ASTL: variants seen among roughly 807,000 people sequenced by gnomAD.
ASTL encodes the protein astacin-like metalloendopeptidase.
Under a neutral mutation model 36.7 loss-of-function variants are expected in ASTL, and 27 were observed. That is an observed-to-expected ratio of 0.73 (90% CI 0.54 to 1.01). The LOEUF (loss-of-function observed/expected upper bound fraction) is 1.01. Among genes scored for constraint, ASTL ranks in the 50% least tolerant of loss-of-function variants. The probability of loss-of-function intolerance (pLI) is 0.00; values close to 1 mark genes in which losing one functional copy is unlikely to be tolerated. For synonymous variants in ASTL, 222 were observed against 228.1 expected (o/e 0.97, Z 0.24); for missense variants, 524 against 572.8 (o/e 0.91, Z 0.87).
chr2:96,136,806 C>T (rs1682310153), intron 2 of ASTL, among the ~76,000 whole-genome samples: 1 of 152,212 alleles, frequency 6.6e-6, no homozygotes, highest in South Asian at 2.1e-4. Flanking sequence ...TATACACCCT[C>T]ATTCCTCAGC....
chr2:96,137,916 G>C, intron 1 of ASTL: 1 of 547,306 alleles, frequency 1.8e-6, no homozygotes, highest in Non-Finnish European at 3.3e-6. Flanking sequence ...GCTCCCTTAG[G>C]GGGACCAAAA....
At position 96,124,390 on chromosome 2, in the gene ASTL, G is replaced by C. The variant is rs1682024211; in HGVS notation, c.875-119C>G. 1.2e-6 allele frequency: 1 copy of C among 858,534 alleles called. No homozygotes were observed. The highest frequency in any genetic ancestry group is 1.7e-6 in the Non-Finnish European group (1 of 602,604). The allele number at this position is 858,534 out of a possible 1,614,324, so 53.2% of individuals were successfully genotyped here. A position where few individuals can be genotyped will look rare whatever the true frequency, so the allele number is the denominator to read the frequency against. On this transcript the variant is annotated intron_variant, in intron 8 of 8. Transcript: ENST00000342380. This position sits in a 1 kb window ranked among gnomAD's most constrained non-coding sequence, Gnocchi z 4.1. ...TGGTGCCCACCCATGCCACGGCCTA[G>C]TGCATCCAAGACCCAGATTCCCACC...
intron 2 of ASTL, among the ~76,000 whole-genome samples, chr2:96,136,059 C>T (rs1380964991): frequency 6.6e-6 from 1 of 152,226 alleles, no homozygotes; most frequent in Non-Finnish European, 1.5e-5. Flanking sequence ...CTCTCGCAAG[C>T]CCCTCTCCCC....
At chr2:96,137,821 G>T in intron 1 of ASTL, 121 bp from the exon 2 acceptor site, 1 of 1,043,746 alleles carries the variant, frequency 9.6e-7, no homozygotes, top group Non-Finnish European at 1.4e-6. Context: ...AGGAAGAGTA[G>T]GCTCCAGCAC....
At chr2:96,134,121 G>T (rs766963684) in intron 3 of ASTL, 63 bp from the exon 4 acceptor site, 20 of 1,124,328 alleles carry the variant, frequency 1.8e-5, no homozygotes, top group Non-Finnish European at 2.6e-5. Context: ...GTGCCCCAAG[G>T]GTACCACACC....
At chr2:96,128,399 C>G (rs1336017796) in intron 8 of ASTL, among the ~76,000 whole-genome samples, 1 of 152,140 alleles carries the variant, frequency 6.6e-6, no homozygotes, top group African/African-American at 2.4e-5. Context: ...ATGAAGAGAT[C>G]TTACTATATA....
rs1682209465 is a variant in ASTL, at chr2:96,132,731, G to T, written c.456-10C>A. On this transcript the variant is annotated splice_polypyrimidine_tract_variant and intron_variant, in intron 5 of 8. Transcript: ENST00000342380. This position sits in a 1 kb window ranked among gnomAD's most constrained non-coding sequence, Gnocchi z 5.4. ...CACACTCGAGAAGCACCTGCAGGGTGATGAGAGCAAGTGGGGTAAGTGCCA... is the reference window on the plus strand; with the variant it reads ...CACACTCGAGAAGCACCTGCAGGGTTATGAGAGCAAGTGGGGTAAGTGCCA... 1 of 1,601,990 alleles carries T rather than the reference G, an allele frequency of 6.2e-7. No individual in the cohort carries two copies. The highest frequency in any genetic ancestry group is 1.3e-5 in the African/African-American group (1 of 74,730).
Position 96,138,405 on chromosome 2 carries a change from A to G in ASTL, c.32T>C (p.Val11Ala). The G allele has an allele frequency of 1.9e-6, 3 of 1,610,700 alleles. No homozygotes were observed. Among genetic ancestry groups the G allele is most frequent in the East Asian group, 2.2e-5 (1 of 44,814 alleles). ...ACCTGGCAAGGAGAGCAGACCCAGC[A>G]CCCAAGGCCAGAGACCCCCTACACC... is the stretch of plus-strand genomic sequence containing the variant. MEGVGGLWPW[V>A]LGLLSLPGVI... is the part of the protein sequence containing the mutation. The change falls in exon 1 of 9, where the codon GTG becomes GCG. Residue 11 changes from valine (V) to alanine (A), a missense_variant. Val to Ala is a moderately conservative substitution (Grantham distance 64, BLOSUM62 0). Transcript: ENST00000342380.
chr2:96,130,206 G>A, intron 6 of ASTL, 61 bp from the exon 7 acceptor site: 2 of 1,304,722 alleles, frequency 1.5e-6, no homozygotes, highest in Non-Finnish European at 2.2e-6. Context: ...AGAAAGGGCA[G>A]GCAATGGCTG....
Position 96,124,205 on chromosome 2 carries a change from T to A in ASTL, c.941A>T (p.Glu314Val). ...PASLSLQRLL[E>V]ALSAESRSPD... ...GCTCCTGGATTCCGCCGACAGTGCCTCCAAAAGCCGCTGCAGAGATAGGGA... is the reference window on the plus strand; with the variant it reads ...GCTCCTGGATTCCGCCGACAGTGCCACCAAAAGCCGCTGCAGAGATAGGGA... The change falls in exon 9 of 9, where the codon GAG becomes GTG. Residue 314 changes from glutamate to valine, a missense_variant. Glu to Val is a moderately radical substitution (Grantham distance 121). Transcript: ENST00000342380. This position sits in a 1 kb window ranked among gnomAD's most constrained non-coding sequence, Gnocchi z 4.1. 6.6e-7 allele frequency: 1 copy of A among 1,523,738 alleles called. No homozygotes were observed. The highest frequency in any genetic ancestry group is 8.8e-7 in the Non-Finnish European group (1 of 1,137,884). The allele number at this position is 1,523,738 out of a possible 1,614,324, so 94.4% of individuals were successfully genotyped here.
chr2:96,125,819 C>A (rs1181665172), intron 8 of ASTL, among the ~76,000 whole-genome samples: 1 of 152,148 alleles, frequency 6.6e-6, no homozygotes. Flanking sequence ...GTGCTCACCT[C>A]TAATCCTAGC....
rs1224753387 is a variant in ASTL at position 96,135,365 on chromosome 2, C to T, written c.229G>A (p.Asp77Asn). 5 of 1,613,982 alleles carry T rather than the reference C, an allele frequency of 3.1e-6. No individual in the cohort carries two copies. Among genetic ancestry groups the T allele is most frequent in the Non-Finnish European group, 4.2e-6 (5 of 1,179,980 alleles). Residue 77 changes from aspartate (D) to asparagine (N), a missense_variant, in exon 3 of 9, where the codon GAC becomes AAC. By Grantham distance (23) the Asp-to-Asn change is conservative. Coordinates refer to ENST00000342380, the MANE Select transcript of ASTL (RefSeq NM_001002036.4). ...TPESSFLIEG[D>N]IIRPSPFRLL... ...TGTGCACTCACCGGCCGGATGATGTCCCCCTCGATGAGGAAGCTGCTCTCT... is the reference window on the plus strand; with the variant it reads ...TGTGCACTCACCGGCCGGATGATGTTCCCCTCGATGAGGAAGCTGCTCTCT...
intron 8 of ASTL, among the ~76,000 whole-genome samples, chr2:96,127,050 T>G (rs997874624): frequency 6.6e-6 from 1 of 152,186 alleles, no homozygotes; most frequent in Non-Finnish European, 1.5e-5. Flanking sequence ...GTATGGCATA[T>G]CTATCCAACG....
Position 96,130,091 on chromosome 2 carries a change from T to C in ASTL, c.692A>G (p.Asp231Gly). 6.2e-7 allele frequency: 1 copy of C among 1,614,084 alleles called. No individual in the cohort carries two copies. Among genetic ancestry groups the C allele is most frequent in the Non-Finnish European group, 8.5e-7 (1 of 1,179,934 alleles). Reference protein sequence around the residue: ...SQSSNMLTPYDYSSVMHYGRL... With the variant: ...SQSSNMLTPYGYSSVMHYGRL... The stretch of plus-strand genomic sequence containing the variant: ...CCCATAGTGCATCACAGAGGAGTAG[T>C]CATAGGGCGTCAGCATGTTGCTGCT... Residue 231 changes from aspartate (D) to glycine (G), a missense_variant, in exon 7 of 9, where the codon GAC becomes GGC. Transcript: ENST00000342380.
At position 96,138,476 on chromosome 2, in the gene ASTL, C is replaced by T. The variant is rs1274046857; in HGVS notation, c.-40G>A. ...GCCCCTTCAGCAAACAAGACCAAGC[C>T]CCAGCAAGACACAGTAACCTAATTG... On this transcript the variant is annotated 5_prime_UTR_variant, in exon 1 of 9. Coordinates refer to ENST00000342380, the MANE Select transcript of ASTL (RefSeq NM_001002036.4). 5 of 1,568,960 alleles carry T rather than the reference C, an allele frequency of 3.2e-6. No homozygotes were observed. Among genetic ancestry groups the T allele is most frequent in the East Asian group, 2.3e-5 (1 of 43,930 alleles).
intron 6 of ASTL, among the ~76,000 whole-genome samples, chr2:96,131,225 A>G (rs1355702994): frequency 1.3e-5 from 2 of 152,144 alleles, no homozygotes; most frequent in Non-Finnish European, 2.9e-5. Context: ...CTGATACGTA[A>G]GTCTACACAT....
chr2:96,137,216 C>A (rs1293877518), intron 2 of ASTL, among the ~76,000 whole-genome samples: 1 of 152,200 alleles, frequency 6.6e-6, no homozygotes, highest in African/African-American at 2.4e-5. Flanking sequence ...CTGCGACTAA[C>A]CGCTTAGCTC....
At position 96,129,947 on chromosome 2, in the gene ASTL, T is replaced by A; in HGVS notation, c.751A>T (p.Ile251Phe). Reference sequence around the variant, plus strand: ...ACACTGGGGGCCCAAAGTGGTGTGATGGTGGGCAGCCCACGCCGGCTGAAG... The same window carrying A: ...ACACTGGGGGCCCAAAGTGGTGTGAAGGTGGGCAGCCCACGCCGGCTGAAG... ...LAFSRRGLPT[I>F]TPLWAPSVHI... The change falls in exon 8 of 9, where the codon ATC (isoleucine) becomes TTC (phenylalanine). Residue 251 changes from isoleucine (I) to phenylalanine (F), a missense_variant. By Grantham distance (21) the Ile-to-Phe change is conservative (BLOSUM62 0). Coordinates refer to ENST00000342380, the MANE Select transcript of ASTL (RefSeq NM_001002036.4). 6.2e-7 allele frequency: 1 copy of A among 1,605,064 alleles called. No homozygotes were observed. The highest frequency in any genetic ancestry group is 2.2e-5 in the East Asian group (1 of 44,604).
intron 8 of ASTL, among the ~76,000 whole-genome samples, chr2:96,125,313 T>A (rs958364360): frequency 4.6e-5 from 7 of 152,058 alleles, no homozygotes; most frequent in African/African-American, 1.7e-4. Context: ...TTTGTTTCCA[T>A]CCCCTTCTCC....
Sources: allele counts gnomAD v4.1 joint callset (sites outside exome capture counted in the v4.1 genomes callset), GRCh38; gene constraint gnomAD v4.1.1; non-coding constraint Gnocchi (gnomAD v3.1); transcripts MANE v1.5; gene names NCBI Gene and HGNC (gene_info 2026-07-23, HGNC 2026-07-21).